COL5A3: variants seen among roughly 807,000 people sequenced by gnomAD.
COL5A3 encodes the protein collagen alpha-3(V) chain.
In COL5A3, 172 loss-of-function variants were observed where a neutral mutation model predicts 250.0. That is an observed-to-expected ratio of 0.69 (90% CI 0.61 to 0.78). COL5A3 has a LOEUF of 0.78. Among genes scored for constraint, COL5A3 ranks in the 30% least tolerant of loss-of-function variants. COL5A3 has a pLI of 0.00. For synonymous variants in COL5A3, 937 were observed against 900.4 expected (o/e 1.04, Z -0.73); for missense variants, 2,340 against 2,334.4 (o/e 1.00, Z -0.05).
chr19:10,003,835 GTCAAC>G, intron 5 of COL5A3, 121 bp from the exon 6 acceptor site: 1 of 1,351,396 alleles, frequency 7.4e-7, no homozygotes, highest in Non-Finnish European at 1.0e-6. Context: ...GTGACCTGGA[GTCAAC>G]GTTATTCATG....
At chr19:10,008,594 C>T (rs1321828584) in intron 1 of COL5A3, among the ~76,000 whole-genome samples, 8 of 151,988 alleles carry the variant, frequency 5.3e-5, no homozygotes, top group Non-Finnish European at 1.0e-4. Context: ...CCCAGGTGTG[C>T]GATGTGTGTG....
chr19:9,977,341 C>T (rs754319100), intron 43 of COL5A3, 24 bp downstream of exon 43: 5 of 1,611,660 alleles, frequency 3.1e-6, no homozygotes, highest in Admixed American at 1.7e-5. Flanking sequence ...TCCCCTGGAC[C>T]CTTCCTCTCT....
rs2086892772 is a variant in COL5A3, at chr19:9,974,392, T to G, written c.3359A>C (p.Gln1120Pro). 9 of 1,605,162 alleles carry G rather than the reference T, an allele frequency of 5.6e-6. No homozygotes were observed. The highest frequency in any genetic ancestry group is 7.7e-6 in the Non-Finnish European group (9 of 1,176,304). The change falls in exon 46 of 67, where the codon CAG becomes CCG. Residue 1120 changes from glutamine to proline, a missense_variant. Physicochemically the swap from Gln to Pro is moderately conservative, Grantham distance 76 (BLOSUM62 -1). Around this residue, in one of 3 missense-constraint regions of COL5A3, gnomAD observed 1,179 missense variants for 1,162.6 expected, o/e 1.01. Transcript: ENST00000264828. ...HPGPPGADGA[Q>P]GRRGPPGLFG... ...GAGGCCTGGGGGTCCCCGGCGCCCC[T>G]GAGCCCCGTCTGCTCCCTGGAAGAA...
chr19:9,967,168 A>G (rs2086761186), intron 62 of COL5A3, among the ~76,000 whole-genome samples, 179 bp downstream of exon 62: 1 of 152,136 alleles, frequency 6.6e-6, no homozygotes, highest in Non-Finnish European at 1.5e-5. Flanking sequence ...CCCCCCTCCC[A>G]GGCCAGACCT....
Position 9,978,600 on chromosome 19 carries a change from C to T in COL5A3, c.2992G>A (p.Gly998Ser), listed in dbSNP as rs1484834098. The change falls in exon 41 of 67, where the codon GGC becomes AGC. Residue 998 changes from glycine (G) to serine (S), a missense_variant. Physicochemically the swap from Gly to Ser is moderately conservative, Grantham distance 56. Coordinates refer to ENST00000264828, the MANE Select transcript of COL5A3 (RefSeq NM_015719.4). ...PGPTGLKGDK[G>S]PPGPVGANGS... ...TTGGCCCCCACGGGCCCTGGGGGGC[C>T]CTTATCACCCTTTAAGCCAGTAGGT... The T allele has an allele frequency of 1.9e-6, 3 of 1,579,302 alleles. No homozygotes were observed. The highest frequency in any genetic ancestry group is 2.6e-6 in the Non-Finnish European group (3 of 1,164,694).
chr19:9,978,824 C>A, intron 40 of COL5A3, 67 bp downstream of exon 40: 1 of 1,154,274 alleles, frequency 8.7e-7, no homozygotes, highest in Non-Finnish European at 1.2e-6. Context: ...ATTCCCCATC[C>A]CTCCCCTGAC....
At position 9,972,832 on chromosome 19, in the gene COL5A3, C is replaced by T. The variant is rs1383068598; in HGVS notation, c.3774+87G>A. On this transcript the variant is annotated intron_variant, in intron 51 of 66. Transcript: ENST00000264828. ...GCCTGGTGACAGAGCAAGACTCCAT[C>T]TCAAAAAAAAAAAAAAGTTTGGGAG... 7.9e-6 allele frequency: 7 copies of T among 882,034 alleles called. No individual in the cohort carries two copies. The Admixed American group carries it at 1.6e-4, about 21-fold the overall frequency. 54.6% of individuals were successfully genotyped at this position (882,034 alleles called of 1,614,324 possible).
At position 10,006,429 on chromosome 19, in the gene COL5A3, C is replaced by T. The variant is rs945549931; in HGVS notation, c.89-198G>A. Among the ~76,000 whole-genome samples the T allele has an allele frequency of 2.6e-5, 4 of 152,128 alleles. 1 individual carries two copies. Among genetic ancestry groups the T allele is most frequent in the Admixed American group, 6.5e-5 (1 of 15,288 alleles). ...CCTCCTCACCACCCCACAGATGTTC[C>T]GACCTCAGCAGCTTGTTGACTCTGT... On this transcript the variant is annotated intron_variant, in intron 1 of 66. Coordinates refer to ENST00000264828, the MANE Select transcript of COL5A3 (RefSeq NM_015719.4).
chr19:9,993,643 C>G lies in COL5A3; in HGVS notation c.1671G>C (p.Gly557=), dbSNP rs770015852. ...CCCTTTGGCCCTTCTCACCAGGCAG[C>G]CCAGGGAGGCCATCGAAGCCACGAT... is the stretch of plus-strand genomic sequence containing the variant. ...KGDRGFDGLP[G]LPGEKGQRGD... The change falls in exon 18 of 67, where the codon GGG becomes GGC. Residue 557 remains glycine, a synonymous_variant. Coordinates refer to ENST00000264828, the MANE Select transcript of COL5A3 (RefSeq NM_015719.4). 1 of 1,614,064 alleles carries G rather than the reference C, an allele frequency of 6.2e-7. No individual in the cohort carries two copies. Among genetic ancestry groups the G allele is most frequent in the South Asian group, 1.1e-5 (1 of 91,074 alleles).
chr19:9,980,532 G>C, intron 35 of COL5A3, 116 bp downstream of exon 35: 5 of 1,431,500 alleles, frequency 3.5e-6, no homozygotes, highest in Non-Finnish European at 4.7e-6. Context: ...CAATTAAGCT[G>C]TGCTCTTACC....
At chr19:9,971,419 C>T (rs2086844940) in intron 51 of COL5A3, among the ~76,000 whole-genome samples, 161 bp from the exon 52 acceptor site, 1 of 152,212 alleles carries the variant, frequency 6.6e-6, no homozygotes, top group African/African-American at 2.4e-5. Context: ...TCTCGTGTTT[C>T]ATGGGTGCAG....
Position 9,996,081 on chromosome 19 carries a change from TC to T in COL5A3, c.1517del (p.Gly506GlufsTer113). ...PGHPGLKGEE[G>X]AEGPQGPRGL... ...CAAGTCTCACCTGTGGCCCTTCTGC[TC>T]CCTCCTCTCCTTTCAGACCTGGATG... On this transcript the variant is annotated frameshift_variant, in exon 15 of 67. Coordinates refer to ENST00000264828, the MANE Select transcript of COL5A3 (RefSeq NM_015719.4). LOFTEE classifies it high-confidence loss of function. The T allele has an allele frequency of 6.3e-7, 1 of 1,582,904 alleles. No individual in the cohort carries two copies. The highest frequency in any genetic ancestry group is 1.8e-5 in the Admixed American group (1 of 54,704).
chr19:9,962,889 T>C lies in COL5A3; in HGVS notation c.4783-2A>G. The C allele has an allele frequency of 6.2e-7, 1 of 1,607,610 alleles. No homozygotes were observed. The highest frequency in any genetic ancestry group is 8.5e-7 in the Non-Finnish European group (1 of 1,176,466). On this transcript the variant is annotated splice_acceptor_variant, in intron 64 of 66. Coordinates refer to ENST00000264828, the MANE Select transcript of COL5A3 (RefSeq NM_015719.4). LOFTEE classifies it high-confidence loss of function. Reference sequence around the variant, plus strand: ...CTTGGACCAGGAGGCCAATTTCACCTGGAAGAGAAAAGGGAGGGTCACTGT... The same window carrying C: ...CTTGGACCAGGAGGCCAATTTCACCCGGAAGAGAAAAGGGAGGGTCACTGT...
intron 31 of COL5A3, 58 bp from the exon 32 acceptor site, chr19:9,982,176 T>C (rs2087021385): frequency 2.4e-6 from 3 of 1,243,018 alleles, no homozygotes; most frequent in East Asian, 2.5e-5. Context: ...GTGGGTGGAA[T>C]TGGCCCCTCA....
chr19:9,990,667 A>G (rs1436221427), intron 24 of COL5A3, among the ~76,000 whole-genome samples: 1 of 151,654 alleles, frequency 6.6e-6, no homozygotes. Context: ...GGTTCATGCC[A>G]TTCTCCTGAC....
chr19:9,993,654 C>T lies in COL5A3; in HGVS notation c.1660G>A (p.Gly554Ser). 1 of 1,614,104 alleles carries T rather than the reference C, an allele frequency of 6.2e-7. No individual in the cohort carries two copies. The change falls in exon 18 of 67, where the codon GGC (glycine) becomes AGC (serine). Residue 554 changes from glycine (G) to serine (S), a missense_variant. Gly to Ser is a moderately conservative substitution (Grantham distance 56). Transcript: ENST00000264828. ...TTCTCACCAGGCAGCCCAGGGAGGC[C>T]ATCGAAGCCACGATCACCCTGTCCA... ...TGPKGDRGFD[G>S]LPGLPGEKGQ... is the part of the protein sequence containing the mutation.
At chr19:9,972,087 A>G (rs927255834) in intron 51 of COL5A3, among the ~76,000 whole-genome samples, 8 of 151,848 alleles carry the variant, frequency 5.3e-5, no homozygotes, top group African/African-American at 1.9e-4. Context: ...TCATTCACTC[A>G]CTCATTTGTC....
rs1038907413 is a variant in COL5A3 at position 9,970,625 on chromosome 19, C to T, written c.3933G>A (p.Lys1311=). 1.7e-5 allele frequency: 24 copies of T among 1,449,498 alleles called. No homozygotes were observed. Among genetic ancestry groups the T allele is most frequent in the Middle Eastern group, 2.0e-4 (1 of 5,014 alleles). The allele number at this position is 1,449,498 out of a possible 1,614,324, so 89.8% of individuals were successfully genotyped here. A position where few individuals can be genotyped will look rare whatever the true frequency, so the allele number is the denominator to read the frequency against. ...GEPGAPGPPG[K]RGPSGHMGRE... is the part of the protein sequence containing the mutation. ...CAGGAGGTGGCTTATCACTTACCCTCTTGCCGGGGGGCCCGGGGGCGCCGG... is the reference window on the plus strand; with the variant it reads ...CAGGAGGTGGCTTATCACTTACCCTTTTGCCGGGGGGCCCGGGGGCGCCGG... The change falls in exon 54 of 67, where the codon AAG becomes AAA. Residue 1311 remains lysine, a synonymous_variant. Coordinates refer to ENST00000264828, the MANE Select transcript of COL5A3 (RefSeq NM_015719.4).
In COL5A3 at chr19:9,973,015, T is replaced by C. The variant is rs1165784962; in HGVS notation, c.3678A>G (p.Gly1226=). 1 of 1,608,032 alleles carries C rather than the reference T, an allele frequency of 6.2e-7. No individual in the cohort carries two copies. Among genetic ancestry groups the C allele is most frequent in the Admixed American group, 1.7e-5 (1 of 59,358 alleles). Residue 1226 remains glycine (G), a synonymous_variant, in exon 51 of 67, where the codon GGA becomes GGG. Coordinates refer to ENST00000264828, the MANE Select transcript of COL5A3 (RefSeq NM_015719.4). The part of the protein sequence containing the change: ...PGAPGIPGPK[G]DIGEKGDSGP... Reference sequence around the variant, plus strand: ...CTGAGTCCCCCTTTTCACCAATGTCTCCCTTGGGCCCCTTTACAGAAAGAG... The same window carrying C: ...CTGAGTCCCCCTTTTCACCAATGTCCCCCTTGGGCCCCTTTACAGAAAGAG...
Sources: gnomAD v4.1 joint callset for allele counts (sites outside exome capture counted in the v4.1 genomes callset) on GRCh38, gnomAD v4.1.1 for gene constraint, gnomAD v4.1.1 regional missense constraint, MANE v1.5 for transcripts, NCBI Gene and HGNC (gene_info 2026-07-23, HGNC 2026-07-21) for gene names.